Variants in MALRD1 observed in about 807,000 individuals in gnomAD.
The protein encoded by MALRD1 is MAM and LDL-receptor class A domain-containing protein 1.
In MALRD1, 247 loss-of-function variants were observed where a neutral mutation model predicts 242.1. The ratio of observed to expected loss-of-function variants is 1.02; its 90% CI spans 0.92 to 1.13. The LOEUF is 1.13. Ranked by LOEUF, MALRD1 falls within the 50% of genes most tolerant of loss-of-function variation. MALRD1 has a pLI of 0.00. For missense variants in MALRD1, 2,989 were observed against 2,533.1 expected (o/e 1.18, Z -3.86); for synonymous variants, 995 against 866.6 (o/e 1.15, Z -2.60).
At chr10:19,158,315 ATCTT>A (rs1157105150) in intron 12 of MALRD1, among the ~76,000 whole-genome samples, 1 of 152,208 alleles carries the variant, frequency 6.6e-6, no homozygotes, top group African/African-American at 2.4e-5. Context: ...TCATCTATTG[ATCTT>A]TCTTTTGTTT....
intron 2 of MALRD1, among the ~76,000 whole-genome samples, chr10:19,071,950 G>A (rs1297219862): frequency 6.6e-6 from 1 of 152,072 alleles, no homozygotes; most frequent in Non-Finnish European, 1.5e-5. Context: ...GCTCTTCCAG[G>A]ACCTGAAGAT....
intron 31 of MALRD1, among the ~76,000 whole-genome samples, chr10:19,520,354 T>TTG (rs1000762324): frequency 1.3e-5 from 2 of 152,188 alleles, no homozygotes; most frequent in African/African-American, 4.8e-5. Flanking sequence ...TCATTGCATT[T>TTG]TGTCTACCAA....
chr10:19,661,557 T>C (rs1312500816), intron 36 of MALRD1, among the ~76,000 whole-genome samples: 1 of 152,136 alleles, frequency 6.6e-6, no homozygotes, highest in Admixed American at 6.6e-5. Flanking sequence ...ACGCTGCATG[T>C]TCTCACTCAT....
At chr10:19,559,979 C>T (rs758209587) in intron 32 of MALRD1, among the ~76,000 whole-genome samples, 3 of 152,122 alleles carry the variant, frequency 2.0e-5, no homozygotes, top group African/African-American at 7.2e-5. Context: ...ATTAAAAAGT[C>T]AGGAAACAAC....
chr10:19,155,106 C>T lies in MALRD1; in HGVS notation c.1590C>T (p.Ser530=), dbSNP rs1834092217. The T allele has an allele frequency of 1.6e-6, 2 of 1,231,512 alleles. No homozygotes were observed. The highest frequency in any genetic ancestry group is 4.1e-5 in the South Asian group (1 of 24,292). The allele number at this position is 1,231,512 out of a possible 1,614,324, so 76.3% of individuals were successfully genotyped here. The part of the protein sequence containing the change: ...GSFIYLEAQR[S]PGVAKLGSPV... ...TTATTTATTTGGAGGCACAGCGCTC[C>T]CCCGGGGTGGCCAAGCTTGGAAGTC... is the stretch of plus-strand genomic sequence containing the variant. Residue 530 remains serine, a synonymous_variant, in exon 12 of 40, where the codon TCC becomes TCT. Coordinates refer to ENST00000454679, the MANE Select transcript of MALRD1 (RefSeq NM_001142308.3).
At position 19,409,580 on chromosome 10, in the gene MALRD1, TGTG is replaced by T. The variant is rs201793924; in HGVS notation, c.4845+19974_4845+19976del. The stretch of plus-strand genomic sequence containing the variant: ...TAACATGAAGAATATTATCAATCCT[TGTG>T]GTAATTGAAATGTTTTGTATCTTGA... On this transcript the variant is annotated intron_variant, in intron 28 of 39. Coordinates refer to ENST00000454679, the MANE Select transcript of MALRD1 (RefSeq NM_001142308.3). Among the ~76,000 whole-genome samples the T allele has an allele frequency of 3.0e-3, 464 of 152,276 alleles. 5 individuals carry two copies. Among genetic ancestry groups the T allele is most frequent in the East Asian group, 7.1e-3 (37 of 5,184 alleles).
Position 19,103,983 on chromosome 10 carries a change from T to C in MALRD1, c.602T>C (p.Val201Ala). 8.1e-7 allele frequency: 1 copy of C among 1,233,424 alleles called. No homozygotes were observed. Among genetic ancestry groups the C allele is most frequent in the Non-Finnish European group, 1.0e-6 (1 of 987,722 alleles). 76.4% of individuals were successfully genotyped at this position (1,233,424 alleles called of 1,614,324 possible). The change falls in exon 5 of 40, where the codon GTT becomes GCT. Residue 201 changes from valine to alanine, a missense_variant. Val to Ala is a moderately conservative substitution (Grantham distance 64, BLOSUM62 0). Transcript: ENST00000454679. The part of the protein sequence containing the change: ...KIQSSQRFQV[V>A]FEGQMASTYE... ...TGTTTTGTTTTTCTGGTGCAGGTTG[T>C]TTTTGAAGGTCAAATGGCTTCAACG...
chr10:19,236,258 A>AGGCTTT (rs1308112681), intron 18 of MALRD1, among the ~76,000 whole-genome samples: 2 of 152,126 alleles, frequency 1.3e-5, no homozygotes, highest in Admixed American at 1.3e-4. Context: ...GCTTTGACCC[A>AGGCTTT]GGCTTTGACT....
At chr10:19,275,998 T>C (rs1175450027) in intron 19 of MALRD1, among the ~76,000 whole-genome samples, 3 of 152,232 alleles carry the variant, frequency 2.0e-5, no homozygotes, top group Middle Eastern at 3.2e-3. Flanking sequence ...CATTCTCTCT[T>C]GAAATTAACG....
chr10:19,517,557 C>G (rs1322204020), intron 31 of MALRD1, among the ~76,000 whole-genome samples: 2 of 152,148 alleles, frequency 1.3e-5, no homozygotes, highest in African/African-American at 4.8e-5. Flanking sequence ...TAGAAAAACA[C>G]AGATTCTAGG....
intron 5 of MALRD1, among the ~76,000 whole-genome samples, chr10:19,120,282 G>A (rs748731486): frequency 6.6e-6 from 1 of 152,020 alleles, no homozygotes; most frequent in African/African-American, 2.4e-5. Flanking sequence ...GCAAAAGCCT[G>A]GTGAAGAAAA....
intron 38 of MALRD1, among the ~76,000 whole-genome samples, chr10:19,714,765 C>T (rs758002884): frequency 9.9e-5 from 15 of 152,038 alleles, no homozygotes; most frequent in South Asian, 2.1e-4. Context: ...ATGAGGCATG[C>T]GGATCGCATC....
At chr10:19,403,074 A>G (rs1368101025) in intron 28 of MALRD1, among the ~76,000 whole-genome samples, 1 of 152,312 alleles carries the variant, frequency 6.6e-6, no homozygotes, top group South Asian at 2.1e-4. Context: ...ATGTGAACCT[A>G]TAATAATAAT....
chr10:19,237,513 C>CATATATATATATATATATATATATATAT (rs34727263), intron 18 of MALRD1, among the ~76,000 whole-genome samples: 1 of 113,712 alleles, frequency 8.8e-6, no homozygotes, highest in Non-Finnish European at 1.7e-5. Flanking sequence ...TGTGTGTGTC[C>CATATATATATATATATATATATATATAT]ATATATATAT....
At chr10:19,538,553 T>C (rs765021541) in intron 32 of MALRD1, among the ~76,000 whole-genome samples, 4 of 152,158 alleles carry the variant, frequency 2.6e-5, no homozygotes, top group Admixed American at 6.5e-5. Flanking sequence ...CATTATATTA[T>C]TTAATTACAG....
chr10:19,500,370 A>G (rs1837915555), intron 31 of MALRD1, among the ~76,000 whole-genome samples: 2 of 152,212 alleles, frequency 1.3e-5, no homozygotes, highest in Admixed American at 6.5e-5. Context: ...AGTGTATAAC[A>G]AAGGTAGATA....
chr10:19,555,252 A>G (rs924256057), intron 32 of MALRD1, among the ~76,000 whole-genome samples: 1 of 152,076 alleles, frequency 6.6e-6, no homozygotes, highest in Admixed American at 6.6e-5. Context: ...CCATGACCCA[A>G]ACACCTCCTA....
At chr10:19,722,591 A>T (rs1039086487) in intron 38 of MALRD1, 40 of 23,414 alleles carry the variant, frequency 1.7e-3, no homozygotes, top group African/African-American at 4.7e-3. Context: ...CCATGTCTCT[A>T]AAAAAAAAAA....
At chr10:19,099,438 G>A (rs1052559805) in intron 4 of MALRD1, among the ~76,000 whole-genome samples, 2 of 152,078 alleles carry the variant, frequency 1.3e-5, no homozygotes, top group African/African-American at 2.4e-5. Context: ...CTATTCAGAG[G>A]TCATCTATCT....
Sources: gnomAD v4.1 joint callset for allele counts (sites outside exome capture counted in the v4.1 genomes callset) on GRCh38, gnomAD v4.1.1 for gene constraint, MANE v1.5 for transcripts, NCBI Gene and HGNC (gene_info 2026-07-23, HGNC 2026-07-21) for gene names.